The following OPHN1 variants were observed in gnomAD, a reference collection of about 807,000 sequenced individuals.
OPHN1 encodes the protein oligophrenin 1.
In OPHN1, 11 loss-of-function variants were observed where a neutral mutation model predicts 60.7. The ratio of observed to expected loss-of-function variants is 0.18; its 90% CI spans 0.11 to 0.30. The LOEUF is 0.30. Among genes scored for constraint, OPHN1 ranks in the 10% least tolerant of loss-of-function variants. OPHN1 has a pLI of 1.00. For missense variants in OPHN1, 449 were observed against 611.0 expected (o/e 0.73, Z 2.80); for synonymous variants, 226 against 222.6 (o/e 1.02, Z -0.14).
chrX:68,054,575 A>C (rs755579950), intron 21 of OPHN1, among the ~76,000 whole-genome samples: 1 of 111,866 alleles, frequency 8.9e-6, no homozygotes, highest in Non-Finnish European at 1.9e-5. Flanking sequence ...CAAAAAAACA[A>C]AACAAAACAA....
intron 15 of OPHN1, among the ~76,000 whole-genome samples, chrX:68,153,225 A>G (rs1385148760): frequency 2.7e-5 from 3 of 109,629 alleles, no homozygotes; most frequent in African/African-American, 1.0e-4. Flanking sequence ...AAAAAAAAAA[A>G]AGAAAAAAGA....
At chrX:68,277,355 C>G (rs915063231) in intron 4 of OPHN1, among the ~76,000 whole-genome samples, 2 of 112,703 alleles carry the variant, frequency 1.8e-5, no homozygotes, top group African/African-American at 6.4e-5. Context: ...TGCTCACCTC[C>G]TGCTGTGTGG....
At chrX:68,417,518 C>T (rs988549635) in intron 2 of OPHN1, among the ~76,000 whole-genome samples, 4 of 112,598 alleles carry the variant, frequency 3.6e-5, no homozygotes, top group Non-Finnish European at 7.5e-5. Flanking sequence ...CTACAAAAGA[C>T]TTCAAAGTAA....
intron 2 of OPHN1, among the ~76,000 whole-genome samples, chrX:68,331,302 A>G (rs1755604252): frequency 9.2e-6 from 1 of 108,130 alleles, no homozygotes; most frequent in South Asian, 3.8e-4. Context: ...ATAATATTAT[A>G]TATAAACAGA....
At chrX:68,232,495 A>T (rs1037990300) in intron 6 of OPHN1, among the ~76,000 whole-genome samples, 11 of 111,932 alleles carry the variant, frequency 9.8e-5, no homozygotes, top group Non-Finnish European at 1.9e-4. Context: ...GAAGCTCATA[A>T]GAGAATGAGT....
chrX:68,356,798 C>A (rs1019407921), intron 2 of OPHN1, among the ~76,000 whole-genome samples: 1 of 111,231 alleles, frequency 9.0e-6, no homozygotes, highest in Non-Finnish European at 1.9e-5. Context: ...GGTCTGACCT[C>A]CAAATGCAGA....
At chrX:68,299,265 T>A (rs1028488150) in intron 2 of OPHN1, among the ~76,000 whole-genome samples, 169 bp from the exon 3 acceptor site, 1 of 111,901 alleles carries the variant, frequency 8.9e-6, no homozygotes, top group Non-Finnish European at 1.9e-5. Flanking sequence ...AGAAGAAAGT[T>A]TGAACAACTA....
chrX:68,323,586 A>T (rs2078245718), intron 2 of OPHN1, among the ~76,000 whole-genome samples: 1 of 112,183 alleles, frequency 8.9e-6, no homozygotes, highest in African/African-American at 3.2e-5. Flanking sequence ...AAAGATTTTT[A>T]TCTATTTTAT....
chrX:68,253,016 T>C (rs767182351), intron 5 of OPHN1, among the ~76,000 whole-genome samples: 15 of 110,134 alleles, frequency 1.4e-4, no homozygotes, highest in Non-Finnish European at 2.3e-4. Flanking sequence ...GAAAGACAAA[T>C]TTTTAAACAC....
At chrX:68,109,592 G>T (rs2077095732) in intron 18 of OPHN1, among the ~76,000 whole-genome samples, 1 of 110,761 alleles carries the variant, frequency 9.0e-6, no homozygotes, top group African/African-American at 3.3e-5. Context: ...GGAGTCATTA[G>T]TTTTTTTTAA....
At position 68,140,870 on chromosome X, in the gene OPHN1, A is replaced by G. The variant is rs192336939; in HGVS notation, c.1277-21538T>C. ...AGCATCGAAGACTACTGATAGATGCAGCTAACTTCAGACAATGAGGCTTCA... is the reference window on the plus strand; with the variant it reads ...AGCATCGAAGACTACTGATAGATGCGGCTAACTTCAGACAATGAGGCTTCA... On this transcript the variant is annotated intron_variant, in intron 15 of 24. Transcript: ENST00000355520. Among the ~76,000 whole-genome samples, 462 of 111,402 alleles carry G rather than the reference A, an allele frequency of 4.1e-3. 1 individual carries two copies. Among genetic ancestry groups the G allele is most frequent in the Middle Eastern group, 9.2e-3 (2 of 217 alleles).
chrX:68,136,291 C>CTTTTTTTTTTTTT (rs779712280), intron 15 of OPHN1, among the ~76,000 whole-genome samples: 12 of 64,114 alleles, frequency 1.9e-4, no homozygotes, highest in African/African-American at 7.8e-4. Flanking sequence ...AATATCTTTT[C>CTTTTTTTTTTTTT]TTTTTTTTTT....
chrX:68,129,233 T>C (rs906936459), intron 15 of OPHN1, among the ~76,000 whole-genome samples: 9 of 111,621 alleles, frequency 8.1e-5, no homozygotes, highest in Non-Finnish European at 1.7e-4. Context: ...CTCTAAAAAC[T>C]AGCACAGAGA....
intron 6 of OPHN1, among the ~76,000 whole-genome samples, chrX:68,216,224 G>T (rs2077607864): frequency 9.0e-6 from 1 of 110,705 alleles, no homozygotes; most frequent in Non-Finnish European, 1.9e-5. Flanking sequence ...ATTAAAAAAT[G>T]AAAAAGAAGA....
At chrX:68,428,010 C>T (rs1283109237) in intron 2 of OPHN1, among the ~76,000 whole-genome samples, 5 of 110,501 alleles carry the variant, frequency 4.5e-5, no homozygotes, top group Non-Finnish European at 9.5e-5. Context: ...TGTAATCCAG[C>T]TCCTCAGGAG....
Position 68,149,911 on chromosome X carries a change from A to G in OPHN1, c.1277-30579T>C, listed in dbSNP as rs188357444. ...GCGGAAACAGCTCAAATGTTCATCA[A>G]TGGATTAATGGATAAACAAAACATG... On this transcript the variant is annotated intron_variant, in intron 15 of 24. Transcript: ENST00000355520. Among the ~76,000 whole-genome samples, 198 of 111,875 alleles carry G rather than the reference A, an allele frequency of 1.8e-3. 1 individual carries two copies. Among genetic ancestry groups the G allele is most frequent in the Non-Finnish European group, 2.5e-3 (131 of 53,071 alleles).
At chrX:68,094,526 G>A (rs929113441) in intron 19 of OPHN1, among the ~76,000 whole-genome samples, 3 of 111,323 alleles carry the variant, frequency 2.7e-5, no homozygotes, top group African/African-American at 9.8e-5. Flanking sequence ...TCTTTATCAT[G>A]TTGAGTCTTC....
chrX:68,170,520 TTGGAA>T (rs1050975415), intron 15 of OPHN1, among the ~76,000 whole-genome samples: 1 of 109,315 alleles, frequency 9.1e-6, no homozygotes, highest in Non-Finnish European at 1.9e-5. Flanking sequence ...TAGCAAAGAC[TTGGAA>T]CCAACCCAAA....
chrX:68,300,534 T>TA (rs2078115030), intron 2 of OPHN1, among the ~76,000 whole-genome samples: 2 of 112,515 alleles, frequency 1.8e-5, no homozygotes, highest in African/African-American at 6.5e-5. Context: ...CAATCTAGAA[T>TA]AACATTTTCC....
Sources: allele counts gnomAD v4.1 joint callset (sites outside exome capture counted in the v4.1 genomes callset), GRCh38; gene constraint gnomAD v4.1.1; transcripts MANE v1.5; gene names NCBI Gene and HGNC (gene_info 2026-07-23, HGNC 2026-07-21).